The following PHIP variants were observed in gnomAD, a reference collection of about 807,000 sequenced individuals.
PHIP encodes the protein PH-interacting protein.
A neutral mutation model predicts 236.8 loss-of-function variants in PHIP; 54 were observed. The ratio of observed to expected loss-of-function variants is 0.23; its 90% CI spans 0.18 to 0.29. The LOEUF (loss-of-function observed/expected upper bound fraction) is 0.29, where lower values mean the gene tolerates loss of function less well. Ranked by LOEUF, PHIP falls within the 10% of genes least tolerant of loss-of-function variation. The pLI is 1.00. For synonymous variants in PHIP, 756 were observed against 718.9 expected (o/e 1.05, Z -0.83); for missense variants, 1,370 against 2,190.8 (o/e 0.63, Z 7.48).
chr6:79,030,249 G>T (rs1771604974), intron 7 of PHIP, among the ~76,000 whole-genome samples: 1 of 152,140 alleles, frequency 6.6e-6, no homozygotes, highest in Admixed American at 6.5e-5. Context: ...AATAAAAGCA[G>T]TAAGAAAGGT....
intron 7 of PHIP, among the ~76,000 whole-genome samples, chr6:79,033,553 C>A (rs191217265): frequency 1.1e-3 from 165 of 152,290 alleles, no homozygotes; most frequent in Non-Finnish European, 1.9e-3. Context: ...CTAGCTCCAA[C>A]TTTTCTTATG....
At chr6:78,975,638 C>G (rs2092622693) in intron 24 of PHIP, among the ~76,000 whole-genome samples, 1 of 152,064 alleles carries the variant, frequency 6.6e-6, no homozygotes, top group Non-Finnish European at 1.5e-5. Context: ...CTGTCTCAGC[C>G]CAAAATCTCC....
rs559533012 is a variant in PHIP, at chr6:79,058,259, T to C, written c.439+2219A>G. Reference sequence around the variant, plus strand: ...CTTGGATGCAAAACCCAAGGTATTTTTGCCATACGTATATATAGGGTTCTG... The same window carrying C: ...CTTGGATGCAAAACCCAAGGTATTTCTGCCATACGTATATATAGGGTTCTG... On this transcript the variant is annotated intron_variant, in intron 6 of 39. Coordinates refer to ENST00000275034, the MANE Select transcript of PHIP (RefSeq NM_017934.7). Among the ~76,000 whole-genome samples, 12 of 152,194 alleles carry C rather than the reference T, an allele frequency of 7.9e-5. No homozygotes were observed. In the South Asian group the frequency reaches 2.1e-3, roughly 26 times the overall value.
chr6:78,957,382 A>G (rs1766488888), intron 32 of PHIP: 1 of 151,990 alleles, frequency 6.6e-6, no homozygotes, highest in Non-Finnish European at 1.5e-5. Context: ...AAAGCATAGC[A>G]ATAATAGCCC....
chr6:79,019,296 A>G lies in PHIP; in HGVS notation c.924-137T>C, dbSNP rs924834120. On this transcript the variant is annotated intron_variant, in intron 9 of 39. Coordinates refer to ENST00000275034, the MANE Select transcript of PHIP (RefSeq NM_017934.7). ...GCTCCCTTCCTAAAAACAACTTAGA[A>G]ATCATTATGTGTCATAAATCAGAAG... 8.0e-6 allele frequency: 5 copies of G among 623,586 alleles called. No individual in the cohort carries two copies. The Admixed American group carries it at 1.4e-4, about 17-fold the overall frequency. 38.6% of individuals were successfully genotyped at this position (623,586 alleles called of 1,614,324 possible).
Position 78,941,303 on chromosome 6 carries a change from G to T in PHIP, c.4856C>A (p.Pro1619Gln). Reference protein sequence around the residue: ...QGDCKNNALVPGTIQVNGHGG... With the variant: ...QGDCKNNALVQGTIQVNGHGG... Reference sequence around the variant, plus strand: ...ATGGCCATTTACTTGAATGGTTCCTGGTACAAGAGCGTTGTTCTTACAATC... The same window carrying T: ...ATGGCCATTTACTTGAATGGTTCCTTGTACAAGAGCGTTGTTCTTACAATC... Residue 1619 changes from proline to glutamine, a missense_variant, in exon 40 of 40, where the codon CCA (proline) becomes CAA (glutamine). By Grantham distance (76) the Pro-to-Gln change is moderately conservative. This residue lies in a region of PHIP where 309 missense variants were observed against 328.3 expected (regional missense o/e 0.94). Transcript: ENST00000275034. The T allele has an allele frequency of 3.1e-6, 5 of 1,613,130 alleles. No individual in the cohort carries two copies. The South Asian group carries it at 5.5e-5, about 18-fold the overall frequency.
chr6:79,072,738 C>T (rs111254564), intron 4 of PHIP, among the ~76,000 whole-genome samples: 2,158 of 152,184 alleles, frequency 0.014, 56 homozygotes, highest in African/African-American at 0.049. Flanking sequence ...ACTGGGATTA[C>T]AGGCATGAGC....
At chr6:79,076,506 C>T (rs1157644833) in intron 4 of PHIP, among the ~76,000 whole-genome samples, 3 of 152,124 alleles carry the variant, frequency 2.0e-5, no homozygotes, top group Non-Finnish European at 2.9e-5. Flanking sequence ...TTTAAAGTAA[C>T]TTCCAATCAC....
chr6:79,015,578 A>G (rs1297222137), intron 14 of PHIP, 52 bp downstream of exon 14: 66 of 1,330,836 alleles, frequency 5.0e-5, no homozygotes, highest in Admixed American at 1.5e-4. Context: ...AGAATGTTTC[A>G]TTCTATAGTC....
chr6:79,053,175 G>A (rs1321990123), intron 6 of PHIP, among the ~76,000 whole-genome samples: 5 of 152,088 alleles, frequency 3.3e-5, no homozygotes, highest in Non-Finnish European at 5.9e-5. Context: ...TTAGCCGGGT[G>A]TGGTGGTGCA....
intron 35 of PHIP, among the ~76,000 whole-genome samples, chr6:78,954,270 T>A (rs963804429): frequency 5.4e-5 from 8 of 149,146 alleles, no homozygotes; most frequent in African/African-American, 2.0e-4. Context: ...CCTGGCTAAT[T>A]TTTTTTTTTG....
intron 19 of PHIP, among the ~76,000 whole-genome samples, chr6:78,995,111 T>C (rs903057858): frequency 3.3e-4 from 50 of 152,322 alleles, no homozygotes; most frequent in African/African-American, 1.2e-3. Context: ...GAATATTTCA[T>C]AAATGGAATC....
chr6:78,952,758 C>T (rs949470389), intron 35 of PHIP, among the ~76,000 whole-genome samples: 2 of 152,092 alleles, frequency 1.3e-5, no homozygotes, highest in Non-Finnish European at 2.9e-5. Context: ...TATGTCTTCA[C>T]TCTTTTCCTC....
At chr6:78,971,759 G>A (rs1329692667) in intron 24 of PHIP, among the ~76,000 whole-genome samples, 1 of 152,162 alleles carries the variant, frequency 6.6e-6, no homozygotes, top group Non-Finnish European at 1.5e-5. Flanking sequence ...ATCAAAGAAA[G>A]GGGTGACGGA....
intron 16 of PHIP, among the ~76,000 whole-genome samples, chr6:79,002,374 T>A (rs988583171): frequency 6.6e-6 from 1 of 151,960 alleles, no homozygotes; most frequent in African/African-American, 2.4e-5. Context: ...TACACAGGAG[T>A]CCCCTCTTAT....
At chr6:79,024,629 C>G (rs1196072233) in intron 9 of PHIP, among the ~76,000 whole-genome samples, 1 of 151,994 alleles carries the variant, frequency 6.6e-6, no homozygotes, top group African/African-American at 2.4e-5. Flanking sequence ...ACGGTGAAAC[C>G]CTGTCTCTAC....
In PHIP at chr6:79,025,388, C is replaced by A; in HGVS notation, c.923+131G>T. ...AAAATAAAACAGGTTAGTAAAGAGC[C>A]AAAAGAGGATTTCTATTATTTACTC... On this transcript the variant is annotated intron_variant, in intron 9 of 39. Transcript: ENST00000275034. 5.2e-6 allele frequency: 3 copies of A among 578,832 alleles called. No homozygotes were observed. The South Asian group carries it at 7.6e-5, about 15-fold the overall frequency. 35.9% of individuals were successfully genotyped at this position (578,832 alleles called of 1,614,324 possible).
At chr6:79,023,955 A>G (rs1771262814) in intron 9 of PHIP, among the ~76,000 whole-genome samples, 2 of 152,214 alleles carry the variant, frequency 1.3e-5, no homozygotes, top group African/African-American at 4.8e-5. Context: ...AGGTTAAAAA[A>G]CAGTAGCAAC....
At chr6:78,981,690 C>T (rs758439013) in intron 23 of PHIP, among the ~76,000 whole-genome samples, 11 of 151,956 alleles carry the variant, frequency 7.2e-5, no homozygotes, top group Non-Finnish European at 7.4e-5. Context: ...AAAAGTTCAT[C>T]AAAACTGTCC....
Sources: allele counts gnomAD v4.1 joint callset (sites outside exome capture counted in the v4.1 genomes callset), GRCh38; gene constraint gnomAD v4.1.1; regional missense constraint gnomAD v4.1.1; transcripts MANE v1.5; gene names NCBI Gene and HGNC (gene_info 2026-07-23, HGNC 2026-07-21).